Variants in RPS6KA5 observed in about 807,000 individuals in gnomAD.
RPS6KA5 encodes ribosomal protein S6 kinase alpha-5.
In RPS6KA5, 27 loss-of-function variants were observed where a neutral mutation model predicts 85.5. The ratio of observed to expected loss-of-function variants is 0.32; its 90% confidence interval spans 0.23 to 0.44. The LOEUF (loss-of-function observed/expected upper bound fraction) is 0.44. Ranked by LOEUF, RPS6KA5 falls within the 20% of genes least tolerant of loss-of-function variation. RPS6KA5 has a pLI of 1.00. For synonymous variants in RPS6KA5, 334 were observed against 348.2 expected (o/e 0.96, Z 0.46); for missense variants, 811 against 980.9 (o/e 0.83, Z 2.31).
intron 1 of RPS6KA5, among the ~76,000 whole-genome samples, chr14:91,049,255 T>G (rs1418800577): frequency 6.6e-6 from 1 of 152,124 alleles, no homozygotes; most frequent in Non-Finnish European, 1.5e-5. Context: ...TCCCAATGTA[T>G]CCTATAAACA....
intron 1 of RPS6KA5, among the ~76,000 whole-genome samples, chr14:91,046,854 G>T (rs1489674941): frequency 2.0e-5 from 3 of 151,798 alleles, no homozygotes; most frequent in Admixed American, 1.3e-4. Flanking sequence ...AAAATAGCAT[G>T]AACACCATAT....
At chr14:91,056,966 G>A (rs1011801800) in intron 1 of RPS6KA5, among the ~76,000 whole-genome samples, 88 of 122,872 alleles carry the variant, frequency 7.2e-4, no homozygotes, top group African/African-American at 2.5e-3. Flanking sequence ...TGCAACCTCC[G>A]CCTCCTGGGT....
At chr14:90,962,866 C>G (rs527704907) in intron 3 of RPS6KA5, among the ~76,000 whole-genome samples, 1 of 152,168 alleles carries the variant, frequency 6.6e-6, no homozygotes, top group Non-Finnish European at 1.5e-5. Flanking sequence ...TTGGAGATAT[C>G]GTGCTCCTCT....
chr14:91,060,471 G>T lies in RPS6KA5; in HGVS notation c.-37C>A. 1 of 1,379,336 alleles carries T rather than the reference G, an allele frequency of 7.2e-7. No individual in the cohort carries two copies. The allele number at this position is 1,379,336 out of a possible 1,614,324, so 85.4% of individuals were successfully genotyped here. A position where few individuals can be genotyped will look rare whatever the true frequency, so the allele number is the denominator to read the frequency against. ...TTTCCGATCCCGCGGGTCGCTACGA[G>T]GGGAACCCAGGAGACAGCGGACGCC... is the stretch of plus-strand genomic sequence containing the variant. On this transcript the variant is annotated 5_prime_UTR_variant, in exon 1 of 17. Transcript: ENST00000614987.
At chr14:90,942,776 A>G (rs2037642307) in intron 5 of RPS6KA5, among the ~76,000 whole-genome samples, 1 of 152,210 alleles carries the variant, frequency 6.6e-6, no homozygotes, top group Non-Finnish European at 1.5e-5. Context: ...CTGAAGGGCC[A>G]AAAGAGTTAT....
chr14:90,991,962 T>C (rs1423331312), intron 2 of RPS6KA5, among the ~76,000 whole-genome samples: 5 of 152,080 alleles, frequency 3.3e-5, no homozygotes, highest in Non-Finnish European at 7.4e-5. Context: ...ATTTGATGAA[T>C]AGCATTTTTT....
chr14:90,900,155 C>T lies in RPS6KA5; in HGVS notation c.1332G>A (p.Val444=), dbSNP rs764039486. The T allele has an allele frequency of 1.9e-6, 3 of 1,606,016 alleles. No homozygotes were observed. The South Asian group carries it at 3.4e-5, about 18-fold the overall frequency. ...EGSFSICRKC[V]HKKSNQAFAV... ...CAAAAGCTTGGTTACTTTTTTTATG[C>T]ACACACTTTCGACAAATTGAAAAAC... Residue 444 remains valine, a synonymous_variant, in exon 11 of 17, where the codon GTG becomes GTA. Transcript: ENST00000614987.
In RPS6KA5 at chr14:90,947,528, A is replaced by T. The variant is rs1369494749; in HGVS notation, c.417T>A (p.Leu139=). Residue 139 remains leucine (L), a synonymous_variant, in exon 4 of 17, where the codon CTT becomes CTA. Coordinates refer to ENST00000614987, the MANE Select transcript of RPS6KA5 (RefSeq NM_004755.4). Reference sequence around the variant, plus strand: ...GCTCTCTTTGAGAAAGATGAGTAAAAAGTTCACCACCATTTATATAATCTA... The same window carrying T: ...GCTCTCTTTGAGAAAGATGAGTAAATAGTTCACCACCATTTATATAATCTA... ...LILDYINGGE[L]FTHLSQRERF... is the part of the protein sequence containing the mutation. 1 of 1,599,464 alleles carries T rather than the reference A, an allele frequency of 6.3e-7. No individual in the cohort carries two copies. The highest frequency in any genetic ancestry group is 1.1e-5 in the South Asian group (1 of 90,588).
At chr14:91,011,378 C>G (rs1019641555) in intron 1 of RPS6KA5, among the ~76,000 whole-genome samples, 5 of 151,960 alleles carry the variant, frequency 3.3e-5, no homozygotes, top group Non-Finnish European at 7.4e-5. Flanking sequence ...CCCAGCTACT[C>G]AGGGGGCTGA....
chr14:90,889,314 A>C (rs1041205826), intron 14 of RPS6KA5, among the ~76,000 whole-genome samples: 8 of 151,446 alleles, frequency 5.3e-5, no homozygotes, highest in Non-Finnish European at 1.2e-4. Context: ...AAAAAAAAAA[A>C]AAAGAGTAAT....
At chr14:91,010,433 T>C (rs1033823598) in intron 1 of RPS6KA5, among the ~76,000 whole-genome samples, 1 of 152,206 alleles carries the variant, frequency 6.6e-6, no homozygotes, top group East Asian at 1.9e-4. Flanking sequence ...GGAGATTTCA[T>C]AGAGCCATAA....
In RPS6KA5 at chr14:90,933,744, T is replaced by C. The variant is rs58594300; in HGVS notation, c.618+9334A>G. Among the ~76,000 whole-genome samples, 871 of 152,320 alleles carry C rather than the reference T, an allele frequency of 5.7e-3. 10 individuals are homozygous for C. The highest frequency in any genetic ancestry group is 0.016 in the South Asian group (76 of 4,826). Reference sequence around the variant, plus strand: ...CCATAGTCCTTACAATGATCTTCAATGCCCTGAGTAATCTGTACAATCCTT... The same window carrying C: ...CCATAGTCCTTACAATGATCTTCAACGCCCTGAGTAATCTGTACAATCCTT... On this transcript the variant is annotated intron_variant, in intron 5 of 16. Transcript: ENST00000614987.
chr14:90,902,731 A>T, intron 9 of RPS6KA5, 77 bp downstream of exon 9: 1 of 1,348,592 alleles, frequency 7.4e-7, no homozygotes, highest in Non-Finnish European at 1.0e-6. Flanking sequence ...CAACAAAACT[A>T]CTTCAATATG....
intron 1 of RPS6KA5, among the ~76,000 whole-genome samples, chr14:91,043,095 T>C (rs749354690): frequency 1.3e-5 from 2 of 152,180 alleles, no homozygotes; most frequent in East Asian, 1.9e-4. Flanking sequence ...GTCAGTCAAA[T>C]TGATCCCCTG....
chr14:90,880,874 C>G (rs763907301), intron 14 of RPS6KA5, among the ~76,000 whole-genome samples: 4 of 141,872 alleles, frequency 2.8e-5, no homozygotes, highest in Non-Finnish European at 6.0e-5. Flanking sequence ...CGCTCTGTTT[C>G]CAAGGTCGGA....
intron 5 of RPS6KA5, among the ~76,000 whole-genome samples, chr14:90,937,482 C>T (rs1208306267): frequency 6.6e-6 from 1 of 151,974 alleles, no homozygotes; most frequent in African/African-American, 2.4e-5. Context: ...ACTATGTCTA[C>T]TTAAACAGTG....
Position 90,862,443 on chromosome 14 carries a change from CCTCCTCCTCCTCCTTCTT to C in RPS6KA5, c.*9613_*9630del, listed in dbSNP as rs899718556. ...GTCTGTCCTTCTTCTTCCTCCTCCT[CCTCCTCCTCCTCCTTCTT>C]CTTCTTCTTCTTCTTCTTTTTTTAA... On this transcript the variant is annotated 3_prime_UTR_variant, in exon 17 of 17. Transcript: ENST00000614987. The C allele has an allele frequency of 7.0e-6, 1 of 141,984 alleles. No individual in the cohort carries two copies. The highest frequency in any genetic ancestry group is 1.6e-5 in the Non-Finnish European group (1 of 63,436). 8.8% of individuals were successfully genotyped at this position (141,984 alleles called of 1,614,324 possible).
intron 12 of RPS6KA5, among the ~76,000 whole-genome samples, chr14:90,896,190 T>C (rs143521584): frequency 6.6e-6 from 1 of 152,322 alleles, no homozygotes; most frequent in African/African-American, 2.4e-5. Flanking sequence ...TCAGATAAAG[T>C]TGAGCTTGCA....
rs1164061447 is a variant in RPS6KA5, at chr14:90,866,785, T to C, written c.*5289A>G. 6.6e-6 allele frequency: 1 copy of C among 152,202 alleles called. No individual in the cohort carries two copies. Among genetic ancestry groups the C allele is most frequent in the Non-Finnish European group, 1.5e-5 (1 of 68,024 alleles). 9.4% of individuals were successfully genotyped at this position (152,202 alleles called of 1,614,324 possible). ...TTTCAAAAATTCATGCCTGTGAAGT[T>C]TTTAGGAATATTTTTCAAAACTTTA... On this transcript the variant is annotated 3_prime_UTR_variant, in exon 17 of 17. Coordinates refer to ENST00000614987, the MANE Select transcript of RPS6KA5 (RefSeq NM_004755.4).
Sources: allele counts gnomAD v4.1 joint callset (sites outside exome capture counted in the v4.1 genomes callset), GRCh38; gene constraint gnomAD v4.1.1; transcripts MANE v1.5; gene names NCBI Gene and HGNC (gene_info 2026-07-23, HGNC 2026-07-21).